PLXNC1: variants seen among roughly 807,000 people sequenced by gnomAD.
The protein encoded by PLXNC1 is plexin-C1.
In PLXNC1, 75 loss-of-function variants were observed where a neutral mutation model predicts 178.2. That is an observed-to-expected ratio of 0.42 (90% CI 0.35 to 0.51). The LOEUF (loss-of-function observed/expected upper bound fraction) is 0.51, where lower values mean the gene tolerates loss of function less well. Among genes scored for constraint, PLXNC1 ranks in the 20% least tolerant of loss-of-function variants. The pLI is 0.02. For missense variants in PLXNC1, 1,503 were observed against 1,984.4 expected (o/e 0.76, Z 4.61); for synonymous variants, 790 against 779.9 (o/e 1.01, Z -0.22).
intron 4 of PLXNC1, among the ~76,000 whole-genome samples, chr12:94,197,137 G>A (rs1962945278): frequency 6.6e-6 from 1 of 151,854 alleles, no homozygotes; most frequent in Non-Finnish European, 1.5e-5. Flanking sequence ...GATTACATTG[G>A]GCCCACCCAG....
intron 1 of PLXNC1, among the ~76,000 whole-genome samples, chr12:94,159,947 G>A (rs1961316660): frequency 2.0e-5 from 3 of 152,254 alleles, no homozygotes; most frequent in Non-Finnish European, 4.4e-5. Flanking sequence ...AATGAGGATG[G>A]AGAGGAGGGG....
chr12:94,300,822 A>T (rs1407759651), intron 27 of PLXNC1, 88 bp from the exon 28 acceptor site: 3 of 1,302,996 alleles, frequency 2.3e-6, no homozygotes, highest in Non-Finnish European at 3.2e-6. Context: ...TAACAAGGAC[A>T]AAAACACCCG....
chr12:94,196,983 T>C (rs1400792396), intron 4 of PLXNC1, among the ~76,000 whole-genome samples: 1 of 152,196 alleles, frequency 6.6e-6, no homozygotes. Flanking sequence ...GCAGTGGGTT[T>C]CACTGGGCTG....
chr12:94,307,467 G>GTTTC lies in PLXNC1; in HGVS notation c.*2186_*2189dup, dbSNP rs1437890185. On this transcript the variant is annotated 3_prime_UTR_variant, in exon 31 of 31. Transcript: ENST00000258526. Reference sequence around the variant, plus strand: ...AATGGCAAACAATTTCTATTTTCAAGTTTCTTTGCATATTTTTTTGGTGCA... The same window carrying GTTTC: ...AATGGCAAACAATTTCTATTTTCAAGTTTCTTTCTTTGCATATTTTTTTGGTGCA... 1 of 152,094 alleles carries GTTTC rather than the reference G, an allele frequency of 6.6e-6. No homozygotes were observed. Among genetic ancestry groups the GTTTC allele is most frequent in the Non-Finnish European group, 1.5e-5 (1 of 68,000 alleles). 9.4% of individuals were successfully genotyped at this position (152,094 alleles called of 1,614,324 possible). A position where few individuals can be genotyped will look rare whatever the true frequency, so the allele number is the denominator to read the frequency against.
intron 6 of PLXNC1, among the ~76,000 whole-genome samples, chr12:94,220,772 T>G (rs563164854): frequency 1.4e-4 from 21 of 151,728 alleles, no homozygotes; most frequent in Non-Finnish European, 2.4e-4. Flanking sequence ...GGGGAAGGGG[T>G]AAGGAAAGCT....
At chr12:94,271,502 AG>A (rs1965568679) in intron 21 of PLXNC1, among the ~76,000 whole-genome samples, 1 of 152,216 alleles carries the variant, frequency 6.6e-6, no homozygotes, top group African/African-American at 2.4e-5. Context: ...AGGGGAATGC[AG>A]TTACATGTTC....
At chr12:94,282,088 G>A in intron 22 of PLXNC1, 1 of 496,304 alleles carries the variant, frequency 2.0e-6, no homozygotes, top group South Asian at 2.3e-5. Flanking sequence ...GGCTTATCAG[G>A]GAAGAAGTGG....
chr12:94,248,156 G>A, intron 13 of PLXNC1, 50 bp downstream of exon 13: 1 of 1,598,960 alleles, frequency 6.3e-7, no homozygotes, highest in Non-Finnish European at 8.6e-7. Flanking sequence ...CCCTTGACTG[G>A]AAAGGTGTGT....
intron 5 of PLXNC1, among the ~76,000 whole-genome samples, chr12:94,213,858 C>T (rs11831898): frequency 0.16 from 24,610 of 149,758 alleles, 2,379 homozygotes; most frequent in African/African-American, 0.26. Flanking sequence ...ATCCAGTTTC[C>T]GCTTTCTACA....
rs774188328 is a variant in PLXNC1, at chr12:94,248,367, C to T, written c.2733C>T (p.Gly911=). 1.9e-6 allele frequency: 3 copies of T among 1,612,492 alleles called. No homozygotes were observed. Among genetic ancestry groups the T allele is most frequent in the African/African-American group, 1.3e-5 (1 of 74,898 alleles). Residue 911 remains glycine, a synonymous_variant, in exon 14 of 31, where the codon GGC becomes GGT. Transcript: ENST00000258526. ...DLTTILCKIK[G]IKTASTIANS... ...CCACCATCCTTTGCAAAATTAAAGGCATCAAGACTGCAAGCACCATTGCCA... is the reference window on the plus strand; with the variant it reads ...CCACCATCCTTTGCAAAATTAAAGGTATCAAGACTGCAAGCACCATTGCCA...
chr12:94,173,774 AGATGTTTGAGG>A (rs1202354779), intron 2 of PLXNC1, among the ~76,000 whole-genome samples: 11 of 152,126 alleles, frequency 7.2e-5, no homozygotes. Flanking sequence ...ACCAAGATGC[AGATGTTTGAGG>A]TTTCATAAGA....
At chr12:94,251,122 T>C (rs1964672939) in intron 14 of PLXNC1, among the ~76,000 whole-genome samples, 1 of 150,480 alleles carries the variant, frequency 6.6e-6, no homozygotes, top group African/African-American at 2.5e-5. Context: ...AGGTTACTAC[T>C]GCCTCTTTAT....
chr12:94,160,606 G>T (rs1220947466), intron 1 of PLXNC1, among the ~76,000 whole-genome samples: 1 of 152,110 alleles, frequency 6.6e-6, no homozygotes, highest in Non-Finnish European at 1.5e-5. Flanking sequence ...CTTCTCTGAG[G>T]CAATAGAGGG....
Position 94,224,034 on chromosome 12 carries a change from G to A in PLXNC1, c.1703-194G>A, listed in dbSNP as rs574064364. ...TTCAGTCTGTTTGGAGGCTTGAGCT[G>A]TGCACTTCGGCTGCCTGATGCGAAT... On this transcript the variant is annotated intron_variant, in intron 6 of 30. Coordinates refer to ENST00000258526, the MANE Select transcript of PLXNC1 (RefSeq NM_005761.3). Among the ~76,000 whole-genome samples the A allele has an allele frequency of 2.0e-5, 3 of 152,300 alleles. No homozygotes were observed. The South Asian group carries it at 6.2e-4, about 32-fold the overall frequency.
chr12:94,159,603 A>G (rs1961301805), intron 1 of PLXNC1, among the ~76,000 whole-genome samples: 1 of 151,968 alleles, frequency 6.6e-6, no homozygotes, highest in Non-Finnish European at 1.5e-5. Context: ...TGAGGGGAGG[A>G]GGCTGGAGAA....
intron 17 of PLXNC1, among the ~76,000 whole-genome samples, chr12:94,257,862 G>C: frequency 6.6e-6 from 1 of 151,724 alleles, no homozygotes; most frequent in Middle Eastern, 3.2e-3. Flanking sequence ...AGCCGAGATA[G>C]CGCCACACTG....
intron 5 of PLXNC1, among the ~76,000 whole-genome samples, chr12:94,212,252 C>T (rs868324750): frequency 3.5e-5 from 4 of 114,586 alleles, no homozygotes; most frequent in South Asian, 3.0e-4. Flanking sequence ...CCAGCCTGGG[C>T]GACAGAGCGA....
At chr12:94,177,147 G>T (rs1331403938) in intron 2 of PLXNC1, among the ~76,000 whole-genome samples, 1 of 78,798 alleles carries the variant, frequency 1.3e-5, no homozygotes, top group Non-Finnish European at 2.3e-5. Context: ...ATGTGTGTGT[G>T]TGTATATATA....
At chr12:94,251,270 CAT>C (rs991329517) in intron 14 of PLXNC1, among the ~76,000 whole-genome samples, 154 bp from the exon 15 acceptor site, 68 of 152,314 alleles carry the variant, frequency 4.5e-4, no homozygotes, top group African/African-American at 1.6e-3. Context: ...CCCAAGGACA[CAT>C]AGCTAATCTG....
Sources: gnomAD v4.1 joint callset for allele counts (sites outside exome capture counted in the v4.1 genomes callset) on GRCh38, gnomAD v4.1.1 for gene constraint, MANE v1.5 for transcripts, NCBI Gene and HGNC (gene_info 2026-07-23, HGNC 2026-07-21) for gene names.